Variants in NKAIN2 observed in about 807,000 individuals in gnomAD.
The protein encoded by NKAIN2 is sodium/potassium transporting ATPase interacting 2.
NKAIN2 carries 14 observed loss-of-function variants against 32.6 expected under a neutral mutation model. The observed-to-expected ratio is 0.43, with a 90% CI of 0.28 to 0.67. The LOEUF is 0.67. Ranked by LOEUF, NKAIN2 falls within the 30% of genes least tolerant of loss-of-function variation. The pLI is 0.17. For missense variants in NKAIN2, 198 were observed against 258.3 expected (o/e 0.77, Z 1.60); for synonymous variants, 80 against 87.2 (o/e 0.92, Z 0.46).
intron 1 of NKAIN2, chr6:124,282,341 C>G (rs1337274419): frequency 3.4e-6 from 1 of 295,284 alleles, no homozygotes; most frequent in Non-Finnish European, 6.5e-6. Context: ...TTTTAGGGCC[C>G]TTCTTTTACC....
Position 124,138,556 on chromosome 6 carries a change from C to T in NKAIN2, c.55-144449C>T, listed in dbSNP as rs531451201. The stretch of plus-strand genomic sequence containing the variant: ...TTGCATGTCTATGTTTATAGCAGCA[C>T]AATTTGTAATTGCAAAATATGAAAC... On this transcript the variant is annotated intron_variant, in intron 1 of 6. Transcript: ENST00000368417. Among the ~76,000 whole-genome samples the T allele has an allele frequency of 5.6e-4, 83 of 148,796 alleles. No homozygotes were observed. In the South Asian group the frequency reaches 8.2e-3, roughly 15 times the overall value.
intron 3 of NKAIN2, among the ~76,000 whole-genome samples, chr6:124,555,174 C>T (rs1780427238): frequency 6.6e-6 from 1 of 152,158 alleles, no homozygotes; most frequent in South Asian, 2.1e-4. Context: ...AGATTACTTC[C>T]ATGCTGGGCA....
intron 1 of NKAIN2, among the ~76,000 whole-genome samples, chr6:123,977,845 C>T (rs1439147342): frequency 1.3e-5 from 2 of 152,120 alleles, no homozygotes; most frequent in Non-Finnish European, 2.9e-5. Flanking sequence ...CTCCTTTTAT[C>T]TTAACTTTCA....
chr6:124,282,249 A>G (rs1244209248), intron 1 of NKAIN2: 3 of 361,414 alleles, frequency 8.3e-6, no homozygotes, highest in Non-Finnish European at 1.1e-5. Context: ...TGAAAATAGT[A>G]TAATTTAAAT....
chr6:124,341,770 G>T (rs1798124781), intron 2 of NKAIN2, among the ~76,000 whole-genome samples: 1 of 152,126 alleles, frequency 6.6e-6, no homozygotes, highest in Non-Finnish European at 1.5e-5. Context: ...TAATAATAGT[G>T]TGTTTTTATG....
At chr6:124,129,855 G>C (rs1786369072) in intron 1 of NKAIN2, among the ~76,000 whole-genome samples, 1 of 152,134 alleles carries the variant, frequency 6.6e-6, no homozygotes, top group South Asian at 2.1e-4. Context: ...CTGACCTCAG[G>C]TAATCTGCCT....
chr6:124,000,022 C>A (rs1206799554), intron 1 of NKAIN2, among the ~76,000 whole-genome samples: 7 of 151,986 alleles, frequency 4.6e-5, no homozygotes, highest in Non-Finnish European at 8.8e-5. Context: ...TTGAAACCAA[C>A]CCCCTATAAT....
At chr6:124,607,419 A>G (rs367621563) in intron 3 of NKAIN2, among the ~76,000 whole-genome samples, 2 of 152,228 alleles carry the variant, frequency 1.3e-5, no homozygotes, top group East Asian at 1.9e-4. Context: ...GATTGGCTAC[A>G]GCTAGGTGTC....
chr6:123,909,363 C>T (rs908411847), intron 1 of NKAIN2, among the ~76,000 whole-genome samples: 1 of 152,182 alleles, frequency 6.6e-6, no homozygotes, highest in African/African-American at 2.4e-5. Flanking sequence ...CTGCACCCAC[C>T]TGCTGGGTGT....
At chr6:124,787,050 C>T (rs1296530293) in intron 4 of NKAIN2, among the ~76,000 whole-genome samples, 1 of 152,038 alleles carries the variant, frequency 6.6e-6, no homozygotes, top group Non-Finnish European at 1.5e-5. Flanking sequence ...CTCTTTATTC[C>T]ATTTCAAGCC....
chr6:124,739,907 G>A (rs541691089), intron 4 of NKAIN2, among the ~76,000 whole-genome samples: 26 of 151,966 alleles, frequency 1.7e-4, no homozygotes, highest in Admixed American at 6.6e-4. Context: ...GGGGAAGGTA[G>A]AAAGGAATGG....
chr6:124,067,128 T>C (rs1783229107), intron 1 of NKAIN2, among the ~76,000 whole-genome samples: 1 of 152,126 alleles, frequency 6.6e-6, no homozygotes, highest in Non-Finnish European at 1.5e-5. Context: ...CAGTTCCTTT[T>C]AGGCTCTTCC....
At chr6:123,943,655 C>T (rs1255523881) in intron 1 of NKAIN2, among the ~76,000 whole-genome samples, 1 of 152,048 alleles carries the variant, frequency 6.6e-6, no homozygotes, top group Non-Finnish European at 1.5e-5. Flanking sequence ...AGTCATTGCA[C>T]TGTACTGCTA....
chr6:124,576,161 C>A (rs896343857), intron 3 of NKAIN2, among the ~76,000 whole-genome samples: 2 of 152,108 alleles, frequency 1.3e-5, no homozygotes, highest in East Asian at 3.8e-4. Context: ...TTTCGAGTGA[C>A]AAATTGGGAA....
intron 6 of NKAIN2, among the ~76,000 whole-genome samples, chr6:124,822,262 C>CAG (rs1159753203): frequency 6.6e-6 from 1 of 152,144 alleles, no homozygotes; most frequent in African/African-American, 2.4e-5. Flanking sequence ...TACTGAGAGG[C>CAG]AGAGAACTTA....
intron 1 of NKAIN2, among the ~76,000 whole-genome samples, chr6:124,027,058 G>A (rs559141095): frequency 6.6e-6 from 1 of 151,688 alleles, no homozygotes; most frequent in East Asian, 1.9e-4. Flanking sequence ...GACAACTCAT[G>A]AAGTGCCTAC....
chr6:124,322,588 A>G (rs986732847), intron 2 of NKAIN2, among the ~76,000 whole-genome samples: 6 of 152,148 alleles, frequency 3.9e-5, no homozygotes, highest in African/African-American at 1.4e-4. Context: ...TATTCTTCAT[A>G]TCTATAACTG....
At chr6:124,102,338 C>A (rs1270319128) in intron 1 of NKAIN2, among the ~76,000 whole-genome samples, 2 of 152,178 alleles carry the variant, frequency 1.3e-5, no homozygotes, top group Non-Finnish European at 2.9e-5. Flanking sequence ...TCATTCCAGG[C>A]TTCAGCTCCC....
chr6:124,138,616 A>G (rs1002672152), intron 1 of NKAIN2, among the ~76,000 whole-genome samples: 2 of 142,798 alleles, frequency 1.4e-5, no homozygotes, highest in African/African-American at 5.5e-5. Flanking sequence ...GAGTGGATAA[A>G]GAATATATAA....
Sources: allele counts gnomAD v4.1 joint callset (sites outside exome capture counted in the v4.1 genomes callset), GRCh38; gene constraint gnomAD v4.1.1; transcripts MANE v1.5; gene names NCBI Gene and HGNC (gene_info 2026-07-23, HGNC 2026-07-21).